The following UST variants were observed in gnomAD, a reference collection of about 807,000 sequenced individuals.
UST encodes the protein uronyl 2-sulfotransferase, also known as chondroitin sulfate 2-O-sulfotransferase.
UST carries 21 observed loss-of-function variants against 45.6 expected under a neutral mutation model. That is an observed-to-expected ratio of 0.46 (90% CI 0.33 to 0.66). The LOEUF is 0.66. Among genes scored for constraint, UST ranks in the 30% least tolerant of loss-of-function variants. The probability of loss-of-function intolerance (pLI) is 0.02; values close to 1 mark genes in which losing one functional copy is unlikely to be tolerated. For missense variants in UST, 463 were observed against 512.4 expected (o/e 0.90, Z 0.93); for synonymous variants, 215 against 200.6 (o/e 1.07, Z -0.61).
At chr6:148,853,353 G>T (rs769392247) in intron 1 of UST, among the ~76,000 whole-genome samples, 2 of 152,118 alleles carry the variant, frequency 1.3e-5, no homozygotes, top group African/African-American at 4.8e-5. Flanking sequence ...CCAGTCTGTC[G>T]TCTGTCATTG....
At chr6:148,870,581 G>A (rs1054848210) in intron 1 of UST, among the ~76,000 whole-genome samples, 5 of 152,290 alleles carry the variant, frequency 3.3e-5, no homozygotes, top group Admixed American at 2.0e-4. Flanking sequence ...GGCCAGGTGC[G>A]CCTGCCCTTC....
At position 148,848,410 on chromosome 6, in the gene UST, C is replaced by T. The variant is rs148435423; in HGVS notation, c.248-38576C>T. On this transcript the variant is annotated intron_variant, in intron 1 of 7. Coordinates refer to ENST00000367463, the MANE Select transcript of UST (RefSeq NM_005715.3). Reference sequence around the variant, plus strand: ...GATTAAGGCTGGGCATGGTGGCTCACGCCAGTAATCCCAGCACTTTGGGAG... The same window carrying T: ...GATTAAGGCTGGGCATGGTGGCTCATGCCAGTAATCCCAGCACTTTGGGAG... 5.4e-3 allele frequency among the ~76,000 whole-genome samples: 822 copies of T among 152,276 alleles called. 2 individuals carry two copies. The highest frequency in any genetic ancestry group is 0.017 in the Middle Eastern group (5 of 294).
At position 148,934,886 on chromosome 6, in the gene UST, G is replaced by A. The variant is rs1451327898; in HGVS notation, c.292-6393G>A. On this transcript the variant is annotated intron_variant, in intron 2 of 7. Coordinates refer to ENST00000367463, the MANE Select transcript of UST (RefSeq NM_005715.3). The surrounding 1 kb of genome is among the most constrained non-coding windows in gnomAD (Gnocchi z 4.1). ...GGAATTTGAATATACAGTTATTTGC[G>A]AACCACAGCTTGTACTATATTAAGT... Among the ~76,000 whole-genome samples, 3 of 152,158 alleles carry A rather than the reference G, an allele frequency of 2.0e-5. No homozygotes were observed. The highest frequency in any genetic ancestry group is 6.5e-5 in the Admixed American group (1 of 15,276).
intron 1 of UST, among the ~76,000 whole-genome samples, chr6:148,809,313 AGTTTTTT>A (rs1332951347): frequency 1.4e-5 from 2 of 146,590 alleles, no homozygotes; most frequent in African/African-American, 2.5e-5. Context: ...TTAAAACCTT[AGTTTTTT>A]GTTTTTTTTT....
intron 1 of UST, among the ~76,000 whole-genome samples, chr6:148,862,351 T>C (rs1272671337): frequency 6.6e-6 from 1 of 152,252 alleles, no homozygotes; most frequent in East Asian, 1.9e-4. Flanking sequence ...ATTTGCTTGG[T>C]AGATCTTCCT....
intron 3 of UST, among the ~76,000 whole-genome samples, chr6:148,943,471 A>C (rs777304246): frequency 5.9e-5 from 9 of 152,236 alleles, no homozygotes; most frequent in Non-Finnish European, 1.2e-4. Context: ...AGTAAAATAC[A>C]CTTGTAACTA....
intron 1 of UST, among the ~76,000 whole-genome samples, chr6:148,789,989 CTT>C (rs56987468): frequency 0.13 from 16,494 of 126,948 alleles, 1,024 homozygotes; most frequent in African/African-American, 0.14. Flanking sequence ...TTTCAGGATT[CTT>C]TTTTTTTTTT....
At chr6:148,985,392 A>G (rs1348972056) in intron 5 of UST, among the ~76,000 whole-genome samples, 5 of 66,402 alleles carry the variant, frequency 7.5e-5, no homozygotes, top group Non-Finnish European at 1.8e-4. Flanking sequence ...AAGCAAAACA[A>G]CAACAACAAC....
chr6:148,831,823 G>T (rs980718234), intron 1 of UST, among the ~76,000 whole-genome samples: 1 of 151,974 alleles, frequency 6.6e-6, no homozygotes, highest in African/African-American at 2.4e-5. Flanking sequence ...AAGTAGGTGG[G>T]GTGGAACTGA....
Position 149,033,000 on chromosome 6 carries a change from CAAATTT to C in UST, c.937+11520_937+11525del, listed in dbSNP as rs541692259. On this transcript the variant is annotated intron_variant, in intron 7 of 7. Transcript: ENST00000367463. ...TTGTAGGGGGTGGAATTAGTCACCA[CAAATTT>C]CAATTTTTGGACTTTCCTGATAACG... Among the ~76,000 whole-genome samples the C allele has an allele frequency of 9.8e-4, 149 of 152,256 alleles. 2 individuals are homozygous for C. Among genetic ancestry groups the C allele is most frequent in the African/African-American group, 3.4e-3 (140 of 41,536 alleles).
At chr6:148,846,494 G>A (rs1369836548) in intron 1 of UST, among the ~76,000 whole-genome samples, 2 of 151,888 alleles carry the variant, frequency 1.3e-5, no homozygotes, top group Admixed American at 1.3e-4. Context: ...TATACCTAAT[G>A]CTAAATGACG....
At chr6:148,824,745 T>G (rs1409287306) in intron 1 of UST, among the ~76,000 whole-genome samples, 1 of 146,152 alleles carries the variant, frequency 6.8e-6, no homozygotes, top group Admixed American at 6.8e-5. Context: ...TAGTTACATA[T>G]GTATACATGT....
chr6:148,789,989 C>A (rs1012557126), intron 1 of UST, among the ~76,000 whole-genome samples: 1 of 127,046 alleles, frequency 7.9e-6, no homozygotes, highest in Non-Finnish European at 1.6e-5. Flanking sequence ...TTTCAGGATT[C>A]TTTTTTTTTT....
At chr6:148,816,723 A>G (rs533749654) in intron 1 of UST, among the ~76,000 whole-genome samples, 3 of 152,368 alleles carry the variant, frequency 2.0e-5, no homozygotes, top group Non-Finnish European at 2.9e-5. Flanking sequence ...TTAAATGGCT[A>G]TGATATCGGA....
At chr6:148,948,112 C>G (rs1431582598) in intron 3 of UST, among the ~76,000 whole-genome samples, 1 of 152,180 alleles carries the variant, frequency 6.6e-6, no homozygotes, top group Non-Finnish European at 1.5e-5. Flanking sequence ...CTGACTGCTT[C>G]CCGCAGGCCA....
chr6:148,953,904 A>G lies in UST; in HGVS notation c.480A>G (p.Glu160=). 1 of 1,609,922 alleles carries G rather than the reference A, an allele frequency of 6.2e-7. No homozygotes were observed. The highest frequency in any genetic ancestry group is 1.1e-5 in the South Asian group (1 of 90,126). Reference sequence around the variant, plus strand: ...TGATTAAAAATATAAGTACTGCCGAACAACCCTATTTATTCACTCGACATG... The same window carrying G: ...TGATTAAAAATATAAGTACTGCCGAGCAACCCTATTTATTCACTCGACATG... ...MELIKNISTA[E]QPYLFTRHVH... is the part of the protein sequence containing the mutation. Residue 160 remains glutamate, a synonymous_variant, in exon 4 of 8, where the codon GAA becomes GAG. Coordinates refer to ENST00000367463, the MANE Select transcript of UST (RefSeq NM_005715.3).
At chr6:148,917,074 G>A (rs994207857) in intron 2 of UST, among the ~76,000 whole-genome samples, 3 of 152,226 alleles carry the variant, frequency 2.0e-5, no homozygotes, top group Admixed American at 6.5e-5. Context: ...GGGAAGAGGA[G>A]GGGAGGGGTC....
chr6:148,863,773 A>C (rs1331984097), intron 1 of UST, among the ~76,000 whole-genome samples: 1 of 152,228 alleles, frequency 6.6e-6, no homozygotes, highest in East Asian at 1.9e-4. Flanking sequence ...AGGTCACTCC[A>C]GACCCTGTTT....
At chr6:148,976,080 T>TA (rs746080887) in intron 5 of UST, among the ~76,000 whole-genome samples, 16 of 152,012 alleles carry the variant, frequency 1.1e-4, no homozygotes, top group East Asian at 5.8e-4. Flanking sequence ...TATAAATCAG[T>TA]AAAAAAAAGA....
Sources: gnomAD v4.1 joint callset for allele counts (sites outside exome capture counted in the v4.1 genomes callset) on GRCh38, gnomAD v4.1.1 for gene constraint, Gnocchi (gnomAD v3.1) non-coding constraint, MANE v1.5 for transcripts, NCBI Gene and HGNC (gene_info 2026-07-23, HGNC 2026-07-21) for gene names.